MIB1: variants seen among roughly 807,000 people sequenced by gnomAD.
MIB1 encodes the protein MIB E3 ubiquitin protein ligase 1.
A neutral mutation model predicts 124.5 loss-of-function variants in MIB1; 278 were observed. That is an observed-to-expected ratio of 2.23 (90% CI 2.02 to 2.47). The LOEUF (loss-of-function observed/expected upper bound fraction) is 2.47, where lower values mean the gene tolerates loss of function less well. Among genes scored for constraint, MIB1 ranks in the 30% most tolerant of loss-of-function variants. MIB1 has a pLI of 0.00. For missense variants in MIB1, 957 were observed against 1,254.4 expected, an observed-to-expected ratio of 0.76 and a Z score of 3.58; for synonymous variants, 446 against 429.4, an observed-to-expected ratio of 1.04 and a Z score of -0.48.
chr18:21,772,671 C>A (rs367599646), intron 3 of MIB1, among the ~76,000 whole-genome samples: 11 of 151,994 alleles, frequency 7.2e-5, no homozygotes, highest in African/African-American at 2.4e-4. Context: ...CAATGGCAAC[C>A]CCAGTATATA....
In MIB1 at chr18:21,791,391, C is replaced by T; in HGVS notation, c.926C>T (p.Ala309Val). Residue 309 changes from alanine (A) to valine (V), a missense_variant, in exon 7 of 21, where the codon GCT becomes GTT. Ala to Val is a moderately conservative substitution (Grantham distance 64). Coordinates refer to ENST00000261537, the MANE Select transcript of MIB1 (RefSeq NM_020774.4). ...PSGNRWTFNPAVLTKANIVRS... is the reference protein window; with the variant it reads ...PSGNRWTFNPVVLTKANIVRS... ...TCTTGTAGGTGGACCTTCAATCCTGCTGTTCTCACTAAAGCGAACATTGTC... is the reference window on the plus strand; with the variant it reads ...TCTTGTAGGTGGACCTTCAATCCTGTTGTTCTCACTAAAGCGAACATTGTC... 1 of 1,611,836 alleles carries T rather than the reference C, an allele frequency of 6.2e-7. No homozygotes were observed. Among genetic ancestry groups the T allele is most frequent in the Non-Finnish European group, 8.5e-7 (1 of 1,178,924 alleles).
At chr18:21,799,420 A>G (rs548347360) in intron 8 of MIB1, among the ~76,000 whole-genome samples, 1 of 152,160 alleles carries the variant, frequency 6.6e-6, no homozygotes, top group East Asian at 1.9e-4. Flanking sequence ...GCTTTTGATC[A>G]TAACCATTAA....
chr18:21,829,612 T>A (rs1252060219), intron 12 of MIB1, among the ~76,000 whole-genome samples: 4 of 152,064 alleles, frequency 2.6e-5, no homozygotes, highest in Non-Finnish European at 5.9e-5. Flanking sequence ...AATTGAACTT[T>A]TTTAAAGATT....
rs375347695 is a variant in MIB1 at position 21,801,772 on chromosome 18, T to C, written c.1371+1798T>C. On this transcript the variant is annotated intron_variant, in intron 9 of 20. Transcript: ENST00000261537. ...AGACATTTAGGTACAACAGATGAAA[T>C]GTGTTCATTTTCATCTTCTGGGAGA... is the stretch of plus-strand genomic sequence containing the variant. Among the ~76,000 whole-genome samples, 14 of 152,246 alleles carry C rather than the reference T, an allele frequency of 9.2e-5. 1 individual carries two copies. The South Asian group carries it at 2.9e-3, about 32-fold the overall frequency.
At chr18:21,785,150 CGTGTGACCCGGTGGACATGTGACTT>C (rs1384528021) in intron 6 of MIB1, among the ~76,000 whole-genome samples, 27 of 152,184 alleles carry the variant, frequency 1.8e-4, no homozygotes, top group African/African-American at 6.0e-4. Flanking sequence ...ACACATGACT[CGTGTGACCCGGTGGACATGTGACTT>C]GTGTGACCTT....
chr18:21,861,711 CA>C (rs954786382), intron 20 of MIB1, among the ~76,000 whole-genome samples: 10 of 151,338 alleles, frequency 6.6e-5, no homozygotes, highest in Non-Finnish European at 1.5e-4. Flanking sequence ...TTTAAATCTC[CA>C]GTCTATTACC....
At chr18:21,800,396 A>C (rs1429352750) in intron 9 of MIB1, among the ~76,000 whole-genome samples, 2 of 152,090 alleles carry the variant, frequency 1.3e-5, no homozygotes, top group Non-Finnish European at 2.9e-5. Context: ...TTTTCAAAAT[A>C]TTTAATGTAA....
In MIB1 at chr18:21,752,174, A is replaced by G. The variant is rs191731002; in HGVS notation, c.229+10362A>G. ...ATTGTAGTAGTACTGGGGTCGTTTT[A>G]TCTTTTATTCTTTATTCCAAACACA... On this transcript the variant is annotated intron_variant, in intron 1 of 20. Transcript: ENST00000261537. 2.7e-3 allele frequency among the ~76,000 whole-genome samples: 405 copies of G among 151,670 alleles called. 2 individuals are homozygous for G. Among genetic ancestry groups the G allele is most frequent in the African/African-American group, 8.7e-3 (361 of 41,396 alleles).
intron 1 of MIB1, among the ~76,000 whole-genome samples, chr18:21,710,273 T>C (rs769002513): frequency 4.6e-5 from 7 of 152,122 alleles, no homozygotes; most frequent in Admixed American, 1.3e-4. Flanking sequence ...TTTTTGTATT[T>C]TTTGTAGAGA....
chr18:21,839,695 T>A (rs1431713266), intron 13 of MIB1, among the ~76,000 whole-genome samples: 2 of 152,012 alleles, frequency 1.3e-5, no homozygotes, highest in African/African-American at 4.8e-5. Context: ...TAAGACAAGG[T>A]CTCACTATGT....
chr18:21,856,223 C>T lies in MIB1; in HGVS notation c.2666-907C>T, dbSNP rs1271124101. ...CCGCAGTCCGGCCTGGGCGACAGAG[C>T]GAGACTCCGTCTCAAAAAAAAAACA... is the stretch of plus-strand genomic sequence containing the variant. On this transcript the variant is annotated intron_variant, in intron 18 of 20. Coordinates refer to ENST00000261537, the MANE Select transcript of MIB1 (RefSeq NM_020774.4). Among the ~76,000 whole-genome samples, 4 of 136,778 alleles carry T rather than the reference C, an allele frequency of 2.9e-5. No homozygotes were observed. In the South Asian group the frequency reaches 7.4e-4, roughly 25 times the overall value. 89.7% of individuals were successfully genotyped at this position (136,778 alleles called of 152,430 possible).
chr18:21,761,927 C>T (rs1477420120), intron 1 of MIB1, among the ~76,000 whole-genome samples: 2 of 113,780 alleles, frequency 1.8e-5, no homozygotes, highest in African/African-American at 6.4e-5. Flanking sequence ...AATGTGTACC[C>T]AGAAAACAAT....
rs554665147 is a variant in MIB1 at position 21,718,221 on chromosome 18, A to C, written n.167+13098A>C. Among the ~76,000 whole-genome samples, 240 of 152,150 alleles carry C rather than the reference A, an allele frequency of 1.6e-3. 1 individual carries two copies. The highest frequency in any genetic ancestry group is 2.9e-3 in the Non-Finnish European group (198 of 67,988). ...CAAAGGCATAATAATGACACAGTGG[A>C]CTTTAGGGACTCAGGGGGAAAGGGT... On this transcript the variant is annotated intron_variant and non_coding_transcript_variant, in intron 1 of 20. Coordinates refer to the MIB1 transcript ENST00000578646.
Position 21,768,744 on chromosome 18 carries a change from AG to A in MIB1, c.527del (p.Gly176GlufsTer3). Reference protein sequence around the residue: ...WEDQDGGNGRRGKVTEIQDWS... With the variant: ...WEDQDGGNGRXGKVTEIQDWS... ...AGATCAAGATGGAGGAAATGGACGT[AG>A]GGGAAAGGTACAGTGTTTCTCTGAA... On this transcript the variant is annotated frameshift_variant, in exon 3 of 21. Transcript: ENST00000261537. LOFTEE classifies it high-confidence loss of function. 1 of 1,610,352 alleles carries A rather than the reference AG, an allele frequency of 6.2e-7. No individual in the cohort carries two copies. Among genetic ancestry groups the A allele is most frequent in the East Asian group, 2.2e-5 (1 of 44,694 alleles).
intron 1 of MIB1, among the ~76,000 whole-genome samples, chr18:21,742,608 G>C (rs1249349482): frequency 6.6e-6 from 1 of 151,988 alleles, no homozygotes; most frequent in Non-Finnish European, 1.5e-5. Context: ...TTAGGGGTCT[G>C]TTATTGACGC....
intron 12 of MIB1, among the ~76,000 whole-genome samples, chr18:21,834,759 A>C (rs940008450): frequency 2.6e-5 from 4 of 152,232 alleles, no homozygotes; most frequent in African/African-American, 9.6e-5. Context: ...TGTCACAACC[A>C]AAGGGAGCTA....
chr18:21,765,824 T>A lies in MIB1; in HGVS notation c.282T>A (p.Ile94=). The A allele has an allele frequency of 6.2e-7, 1 of 1,614,200 alleles. No individual in the cohort carries two copies. The highest frequency in any genetic ancestry group is 8.5e-7 in the Non-Finnish European group (1 of 1,180,026). The stretch of plus-strand genomic sequence containing the variant: ...ATACCTGCCGCCAGCAACCAATCAT[T>A]GGCATTCGATGGAAGTGTGCAGAGT... ...MCDTCRQQPI[I]GIRWKCAECT... is the part of the protein sequence containing the mutation. The change falls in exon 2 of 21, where the codon ATT becomes ATA. Residue 94 remains isoleucine (I), a synonymous_variant. Transcript: ENST00000261537.
At chr18:21,856,375 T>C (rs146071257) in intron 18 of MIB1, among the ~76,000 whole-genome samples, 1 of 152,288 alleles carries the variant, frequency 6.6e-6, no homozygotes. Flanking sequence ...GTAAATCAAA[T>C]ATTAGAAAGA....
At chr18:21,827,108 AGT>A (rs2041932211) in intron 12 of MIB1, 2 of 152,136 alleles carry the variant, frequency 1.3e-5, no homozygotes, top group Non-Finnish European at 2.9e-5. Context: ...GGAAAAAAAT[AGT>A]ACAGCATTTG....
Sources: allele counts gnomAD v4.1 joint callset (sites outside exome capture counted in the v4.1 genomes callset), GRCh38; gene constraint gnomAD v4.1.1; transcripts MANE v1.5; gene names NCBI Gene and HGNC (gene_info 2026-07-23, HGNC 2026-07-21).